The following SKIDA1 variants were observed in gnomAD, a reference collection of about 807,000 sequenced individuals.
SKIDA1 encodes the protein SKI/DACH domain-containing protein 1.
Under a neutral mutation model 51.4 loss-of-function variants are expected in SKIDA1, and 18 were observed. That is an observed-to-expected ratio of 0.35 (90% CI 0.24 to 0.52). The LOEUF (loss-of-function observed/expected upper bound fraction) is 0.52. Among genes scored for constraint, SKIDA1 ranks in the 20% least tolerant of loss-of-function variants. The pLI is 0.95. For missense variants in SKIDA1, 1,104 were observed against 1,180.6 expected (o/e 0.94, Z 0.95); for synonymous variants, 579 against 500.5 (o/e 1.16, Z -2.09).
At chr10:21,521,979 T>C (rs945582193) in intron 2 of SKIDA1, among the ~76,000 whole-genome samples, 6 of 152,254 alleles carry the variant, frequency 3.9e-5, no homozygotes. Flanking sequence ...CTGTATTTTA[T>C]GTTTCAATAC....
intron 3 of SKIDA1, among the ~76,000 whole-genome samples, chr10:21,521,067 C>CACAT (rs2032381062): frequency 6.6e-6 from 1 of 151,520 alleles, no homozygotes. Context: ...TGCACACACA[C>CACAT]ACACACACAC....
intron 3 of SKIDA1, among the ~76,000 whole-genome samples, chr10:21,520,303 G>C (rs1420835009): frequency 6.6e-6 from 1 of 152,142 alleles, no homozygotes. Context: ...TTTCACAGGA[G>C]ACAAAATGCA....
chr10:21,516,385 G>C lies in SKIDA1; in HGVS notation c.1438C>G (p.Gln480Glu), dbSNP rs747705931. Reference sequence around the variant, plus strand: ...GCCAGATGGTACAAGAAGTTGGCCTGCGCCTGCACGCTGGGAGGCTTGCAG... The same window carrying C: ...GCCAGATGGTACAAGAAGTTGGCCTCCGCCTGCACGCTGGGAGGCTTGCAG... ...SFCKPPSVQA[Q>E]ANFLYHLASA... The change falls in exon 4 of 4, where the codon CAG becomes GAG. Residue 480 changes from glutamine (Q) to glutamate (E), a missense_variant. By Grantham distance (29) the Gln-to-Glu change is conservative (BLOSUM62 2). Around this residue, in one of 3 missense-constraint regions of SKIDA1, gnomAD observed 938 missense variants for 886.4 expected, o/e 1.06. Transcript: ENST00000449193. This position sits in a 1 kb window ranked among gnomAD's most constrained non-coding sequence, Gnocchi z 5.7. 5.6e-6 allele frequency: 9 copies of C among 1,613,400 alleles called. No homozygotes were observed. The South Asian group carries it at 9.9e-5, about 18-fold the overall frequency.
At position 21,516,746 on chromosome 10, in the gene SKIDA1, A is replaced by G; in HGVS notation, c.1077T>C (p.Ser359=). ...HHHRAQPPQQ[S]HHPPHHHRPQ... is the part of the protein sequence containing the mutation. ...GCCGGTGGTGGTGAGGGGGGTGGTG[A>G]CTCTGCTGCGGCGGCTGGGCCCGGT... Residue 359 remains serine (S), a synonymous_variant, in exon 4 of 4, where the codon AGT becomes AGC. Coordinates refer to ENST00000449193, the MANE Select transcript of SKIDA1 (RefSeq NM_207371.4). The surrounding 1 kb of genome is among the most constrained non-coding windows in gnomAD (Gnocchi z 5.7). 1 of 1,545,294 alleles carries G rather than the reference A, an allele frequency of 6.5e-7. No homozygotes were observed. Among genetic ancestry groups the G allele is most frequent in the Non-Finnish European group, 8.7e-7 (1 of 1,145,170 alleles).
chr10:21,516,126 C>G lies in SKIDA1; in HGVS notation c.1697G>C (p.Arg566Thr). ...CAGGCAGTTAATTGTCAGGTCAGTTCTCTTTACAGCATTGGAAATTTCAGA... is the reference window on the plus strand; with the variant it reads ...CAGGCAGTTAATTGTCAGGTCAGTTGTCTTTACAGCATTGGAAATTTCAGA... ...PHSEISNAVK[R>T]TDLTINCLAE... Residue 566 changes from arginine to threonine, a missense_variant, in exon 4 of 4, where the codon AGA (arginine) becomes ACA (threonine). Physicochemically the swap from Arg to Thr is moderately conservative, Grantham distance 71. Coordinates refer to ENST00000449193, the MANE Select transcript of SKIDA1 (RefSeq NM_207371.4). This position sits in a 1 kb window ranked among gnomAD's most constrained non-coding sequence, Gnocchi z 5.7. 5 of 1,614,014 alleles carry G rather than the reference C, an allele frequency of 3.1e-6. No homozygotes were observed. The highest frequency in any genetic ancestry group is 3.4e-6 in the Non-Finnish European group (4 of 1,179,886).
Position 21,516,634 on chromosome 10 carries a change from C to T in SKIDA1, c.1189G>A (p.Asp397Asn). The change falls in exon 4 of 4, where the codon GAT becomes AAT. Residue 397 changes from aspartate to asparagine, a missense_variant. Around this residue, in one of 3 missense-constraint regions of SKIDA1, gnomAD observed 938 missense variants for 886.4 expected, o/e 1.06. Transcript: ENST00000449193. This position sits in a 1 kb window ranked among gnomAD's most constrained non-coding sequence, Gnocchi z 5.7. ...SYSDHAANDS[D>N]FGSSLSSSSN... The stretch of plus-strand genomic sequence containing the variant: ...GAGCTGGACAAACTGGAGCCAAAAT[C>T]CGAGTCGTTGGCCGCGTGGTCCGAG... 1 of 1,551,872 alleles carries T rather than the reference C, an allele frequency of 6.4e-7. No individual in the cohort carries two copies. Among genetic ancestry groups the T allele is most frequent in the East Asian group, 2.4e-5 (1 of 40,904 alleles).
At position 21,517,391 on chromosome 10, in the gene SKIDA1, T is replaced by C. The variant is rs2032276128; in HGVS notation, c.432A>G (p.Gly144=). The C allele has an allele frequency of 7.0e-7, 1 of 1,428,492 alleles. No homozygotes were observed. Among genetic ancestry groups the C allele is most frequent in the Non-Finnish European group, 9.1e-7 (1 of 1,099,636 alleles). 88.5% of individuals were successfully genotyped at this position (1,428,492 alleles called of 1,614,324 possible). The change falls in exon 4 of 4, where the codon GGA becomes GGG. Residue 144 remains glycine, a synonymous_variant. Transcript: ENST00000449193. The surrounding 1 kb of genome is among the most constrained non-coding windows in gnomAD (Gnocchi z 6.9). The stretch of plus-strand genomic sequence containing the variant: ...CGCTGATTGGCAGGGGCCGCGCGGC[T>C]CCGCTCAGGCCCCGCCAAAGTTGGT... ...DKHQLWRGLS[G]AARPLPISAQ... is the part of the protein sequence containing the mutation.
At chr10:21,525,400 A>AC in intron 1 of SKIDA1, 147 bp downstream of exon 1, 1 of 152,266 alleles carries the variant, frequency 6.6e-6, no homozygotes, top group Non-Finnish European at 1.5e-5. Context: ...TGAATAAGTG[A>AC]CCAAGTGCCT....
Position 21,515,465 on chromosome 10 carries a change from C to T in SKIDA1, c.2358G>A (p.Leu786=). Residue 786 remains leucine (L), a synonymous_variant, in exon 4 of 4, where the codon CTG becomes CTA. Coordinates refer to ENST00000449193, the MANE Select transcript of SKIDA1 (RefSeq NM_207371.4). ...GTGTCTGAAGGACAGGTCGCTTTCC[C>T]AGTACTAGTGTCCGGTAATTTTTTC... ...RVRKNYRTLV[L]GKRPVLQTPP... is the part of the protein sequence containing the mutation. 1 of 1,613,994 alleles carries T rather than the reference C, an allele frequency of 6.2e-7. No individual in the cohort carries two copies. The highest frequency in any genetic ancestry group is 8.5e-7 in the Non-Finnish European group (1 of 1,179,892).
chr10:21,522,288 C>A (rs867209093), intron 2 of SKIDA1, among the ~76,000 whole-genome samples: 2 of 56,704 alleles, frequency 3.5e-5, no homozygotes, highest in African/African-American at 6.5e-5. Flanking sequence ...CCCCCCCCCC[C>A]CCCGCCACCA....
chr10:21,517,124 AGCG>A lies in SKIDA1; in HGVS notation c.696_698del (p.Ala244del), dbSNP rs754621872. ...CGGCGGCGGCGGCGGCGGCGGCAGCAGCGGCGGCGGCGGCGGCGGCGGCGGCTG... is the reference window on the plus strand; with the variant it reads ...CGGCGGCGGCGGCGGCGGCGGCAGCAGCGGCGGCGGCGGCGGCGGCGGCTG... On this transcript the variant is annotated inframe_deletion, in exon 4 of 4. Transcript: ENST00000449193. The surrounding 1 kb of genome is among the most constrained non-coding windows in gnomAD (Gnocchi z 6.9). The A allele has an allele frequency of 1.0e-3, 1,073 of 1,033,280 alleles. 1 individual carries two copies. The highest frequency in any genetic ancestry group is 5.0e-3 in the East Asian group (62 of 12,380). 64.0% of individuals were successfully genotyped at this position (1,033,280 alleles called of 1,614,324 possible). A position where few individuals can be genotyped will look rare whatever the true frequency, so the allele number is the denominator to read the frequency against.
At position 21,516,930 on chromosome 10, in the gene SKIDA1, G is replaced by A; in HGVS notation, c.893C>T (p.Ser298Phe). The change falls in exon 4 of 4, where the codon TCC (serine) becomes TTC (phenylalanine). Residue 298 changes from serine (S) to phenylalanine (F), a missense_variant. Around this residue, in one of 3 missense-constraint regions of SKIDA1, gnomAD observed 938 missense variants for 886.4 expected, o/e 1.06. Coordinates refer to ENST00000449193, the MANE Select transcript of SKIDA1 (RefSeq NM_207371.4). This position sits in a 1 kb window ranked among gnomAD's most constrained non-coding sequence, Gnocchi z 5.7. Reference sequence around the variant, plus strand: ...CGCCGCCGCCGCCTTGGCTTTGTAGGACCTGGGCAACAGCAGCAGGCGCCG... The same window carrying A: ...CGCCGCCGCCGCCTTGGCTTTGTAGAACCTGGGCAACAGCAGCAGGCGCCG... Reference protein sequence around the residue: ...GARRLLLLPRSYKAKAAAAAA... With the variant: ...GARRLLLLPRFYKAKAAAAAA... 2 of 1,194,574 alleles carry A rather than the reference G, an allele frequency of 1.7e-6. No homozygotes were observed. Among genetic ancestry groups the A allele is most frequent in the African/African-American group, 1.6e-5 (1 of 61,298 alleles). The allele number at this position is 1,194,574 out of a possible 1,614,324, so 74.0% of individuals were successfully genotyped here. A position where few individuals can be genotyped will look rare whatever the true frequency, so the allele number is the denominator to read the frequency against.
chr10:21,514,999 G>C lies in SKIDA1; in HGVS notation c.*97C>G. 1 of 1,325,340 alleles carries C rather than the reference G, an allele frequency of 7.5e-7. No individual in the cohort carries two copies. The highest frequency in any genetic ancestry group is 9.6e-7 in the Non-Finnish European group (1 of 1,036,712). 82.1% of individuals were successfully genotyped at this position (1,325,340 alleles called of 1,614,324 possible). ...AATGCGATAAACCAGGACTCCAAAG[G>C]GGGTGTAACACATTAATGGACTTGT... On this transcript the variant is annotated 3_prime_UTR_variant, in exon 4 of 4. Transcript: ENST00000449193.
rs1392730869 is a variant in SKIDA1 at position 21,516,846 on chromosome 10, A to C, written c.977T>G (p.Phe326Cys). The C allele has an allele frequency of 1.3e-6, 2 of 1,536,514 alleles. No homozygotes were observed. Among genetic ancestry groups the C allele is most frequent in the Non-Finnish European group, 1.7e-6 (2 of 1,143,254 alleles). ...CGGGCAGAAGCCGTTGACCAGATGA[A>C]ACCTCTCCAGGCAAGTGGCCCCCGC... ...AAAGATCLER[F>C]HLVNGFCPPP... The change falls in exon 4 of 4, where the codon TTT becomes TGT. Residue 326 changes from phenylalanine to cysteine, a missense_variant. Transcript: ENST00000449193. This position sits in a 1 kb window ranked among gnomAD's most constrained non-coding sequence, Gnocchi z 5.7.
At chr10:21,520,797 G>A (rs1002306665) in intron 3 of SKIDA1, among the ~76,000 whole-genome samples, 1 of 151,446 alleles carries the variant, frequency 6.6e-6, no homozygotes, top group African/African-American at 2.4e-5. Flanking sequence ...AGCATATTAA[G>A]TTATTTTTTT....
rs2032271849 is a variant in SKIDA1 at position 21,517,318 on chromosome 10, G to A, written c.505C>T (p.Leu169=). The part of the protein sequence containing the change: ...GAAAARPAAH[L]PQIFSKYPGS... ...GGGTATTTGCTAAAAATCTGAGGTA[G>A]ATGGGCGGCGGGGCGCGCGGCGGCG... The change falls in exon 4 of 4, where the codon CTA becomes TTA. Residue 169 remains leucine, a synonymous_variant. Transcript: ENST00000449193. This position sits in a 1 kb window ranked among gnomAD's most constrained non-coding sequence, Gnocchi z 6.9. The A allele has an allele frequency of 2.8e-6, 4 of 1,441,658 alleles. No individual in the cohort carries two copies. The highest frequency in any genetic ancestry group is 1.5e-5 in the African/African-American group (1 of 66,670). 89.3% of individuals were successfully genotyped at this position (1,441,658 alleles called of 1,614,324 possible). A position where few individuals can be genotyped will look rare whatever the true frequency, so the allele number is the denominator to read the frequency against.
chr10:21,517,979 C>A lies in SKIDA1; in HGVS notation c.-157G>T. The A allele has an allele frequency of 1.6e-6, 1 of 644,016 alleles. No individual in the cohort carries two copies. Among genetic ancestry groups the A allele is most frequent in the Non-Finnish European group, 2.4e-6 (1 of 413,560 alleles). 39.9% of individuals were successfully genotyped at this position (644,016 alleles called of 1,614,324 possible). On this transcript the variant is annotated 5_prime_UTR_variant, in exon 4 of 4. Coordinates refer to ENST00000449193, the MANE Select transcript of SKIDA1 (RefSeq NM_207371.4). The surrounding 1 kb of genome is among the most constrained non-coding windows in gnomAD (Gnocchi z 6.9). The stretch of plus-strand genomic sequence containing the variant: ...CTGTTATTCCCGGCGAAGGAAGTGC[C>A]AAACTCTAGGCGAAATTATTGGGGG...
At position 21,516,474 on chromosome 10, in the gene SKIDA1, G is replaced by A. The variant is rs894761550; in HGVS notation, c.1349C>T (p.Ser450Leu). Residue 450 changes from serine to leucine, a missense_variant, in exon 4 of 4, where the codon TCG (serine) becomes TTG (leucine). Coordinates refer to ENST00000449193, the MANE Select transcript of SKIDA1 (RefSeq NM_207371.4). The surrounding 1 kb of genome is among the most constrained non-coding windows in gnomAD (Gnocchi z 5.7). The part of the protein sequence containing the change: ...SSEEEDSSTE[S>L]DSSSGSSQVS... ...TTGGCTGGAGCCGGAGCTGGAGTCC[G>A]ACTCGGTGGACGAGTCCTCCTCCTC... The A allele has an allele frequency of 1.2e-6, 2 of 1,609,854 alleles. No homozygotes were observed. The highest frequency in any genetic ancestry group is 2.7e-5 in the African/African-American group (2 of 74,864).
In SKIDA1 at chr10:21,517,999, TG is replaced by T. The variant is rs200943050; in HGVS notation, c.-178del. 5,869 of 452,984 alleles carry T rather than the reference TG, an allele frequency of 0.013. 12 individuals are homozygous for T. The highest frequency in any genetic ancestry group is 0.017 in the Middle Eastern group (28 of 1,650). The allele number at this position is 452,984 out of a possible 1,614,324, so 28.1% of individuals were successfully genotyped here. A position where few individuals can be genotyped will look rare whatever the true frequency, so the allele number is the denominator to read the frequency against. On this transcript the variant is annotated 5_prime_UTR_variant, in exon 4 of 4. An upstream open reading frame in the 5' UTR loses its in-frame stop. Coordinates refer to ENST00000449193, the MANE Select transcript of SKIDA1 (RefSeq NM_207371.4). This position sits in a 1 kb window ranked among gnomAD's most constrained non-coding sequence, Gnocchi z 6.9. ...AGTGCCAAACTCTAGGCGAAATTATTGGGGGGGGGGAAACCCCATGAAATTA... is the reference window on the plus strand; with the variant it reads ...AGTGCCAAACTCTAGGCGAAATTATTGGGGGGGGGAAACCCCATGAAATTA...
Sources: allele counts gnomAD v4.1 joint callset (sites outside exome capture counted in the v4.1 genomes callset), GRCh38; gene constraint gnomAD v4.1.1; regional missense constraint gnomAD v4.1.1; non-coding constraint Gnocchi (gnomAD v3.1); transcripts MANE v1.5; gene names NCBI Gene and HGNC (gene_info 2026-07-23, HGNC 2026-07-21).